Variants in BEND7 observed in about 807,000 individuals in gnomAD.
BEND7 encodes BEN domain-containing protein 7.
In BEND7, 28 loss-of-function variants were observed where a neutral mutation model predicts 50.9. The observed-to-expected ratio is 0.55, with a 90% CI of 0.41 to 0.75. The LOEUF (loss-of-function observed/expected upper bound fraction) is 0.75, where lower values mean the gene tolerates loss of function less well. Ranked by LOEUF, BEND7 falls within the 30% of genes least tolerant of loss-of-function variation. BEND7 has a pLI of 0.00. For synonymous variants in BEND7, 170 were observed against 183.9 expected (o/e 0.92, Z 0.61); for missense variants, 477 against 491.3 (o/e 0.97, Z 0.28).
Position 13,491,138 on chromosome 10 carries a change from A to G in BEND7, c.837+1473T>C, listed in dbSNP as rs114940885. ...TTTAGAAGCATGTTATTCTTCCAAG[A>G]CAATCAACAGCTAACTGAGTTTTCA... On this transcript the variant is annotated intron_variant, in intron 5 of 8. Coordinates refer to ENST00000466271, the MANE Select transcript of BEND7 (RefSeq NM_001369863.1). 9.8e-3 allele frequency among the ~76,000 whole-genome samples: 1,494 copies of G among 152,052 alleles called. 19 individuals carry two copies. Among genetic ancestry groups the G allele is most frequent in the African/African-American group, 0.034 (1,416 of 41,470 alleles).
At chr10:13,505,719 T>C (rs2077832907) in intron 2 of BEND7, among the ~76,000 whole-genome samples, 2 of 152,108 alleles carry the variant, frequency 1.3e-5, no homozygotes, top group South Asian at 4.1e-4. Flanking sequence ...ATCAGTTAAG[T>C]TAATAATGAA....
chr10:13,515,998 A>T (rs2078643518), intron 2 of BEND7, among the ~76,000 whole-genome samples: 1 of 152,242 alleles, frequency 6.6e-6, no homozygotes, highest in Non-Finnish European at 1.5e-5. Context: ...CTGCACAAGG[A>T]AACGGCCTCA....
chr10:13,516,450 G>A (rs1362909766), intron 2 of BEND7, among the ~76,000 whole-genome samples: 1 of 152,226 alleles, frequency 6.6e-6, no homozygotes, highest in Non-Finnish European at 1.5e-5. Context: ...AACAGGCTGG[G>A]CGCGGTGGCT....
At chr10:13,495,570 G>A (rs2076967312) in intron 4 of BEND7, among the ~76,000 whole-genome samples, 1 of 152,162 alleles carries the variant, frequency 6.6e-6, no homozygotes, top group Non-Finnish European at 1.5e-5. Flanking sequence ...GCTGAGGCAG[G>A]AGAATCGCTT....
At chr10:13,453,601 C>CATCT (rs1219324506) in intron 6 of BEND7, among the ~76,000 whole-genome samples, 1 of 152,118 alleles carries the variant, frequency 6.6e-6, no homozygotes, top group Non-Finnish European at 1.5e-5. Context: ...GAAGGTTCAC[C>CATCT]ATCTACCATC....
intron 8 of BEND7, chr10:13,442,161 C>T (rs1056476904): frequency 1.1e-5 from 2 of 173,914 alleles, no homozygotes; most frequent in Non-Finnish European, 2.4e-5. Flanking sequence ...TCTGGGCAAC[C>T]GCTTACCCTC....
At chr10:13,504,203 T>C (rs754355255) in intron 2 of BEND7, among the ~76,000 whole-genome samples, 19 of 152,156 alleles carry the variant, frequency 1.2e-4, no homozygotes, top group Non-Finnish European at 2.5e-4. Context: ...TAGAAGCTCG[T>C]TGAGTGTGGT....
intron 6 of BEND7, among the ~76,000 whole-genome samples, chr10:13,464,916 C>A (rs993774560): frequency 1.3e-5 from 2 of 152,184 alleles, no homozygotes; most frequent in African/African-American, 2.4e-5. Flanking sequence ...AATTTGCCTT[C>A]GGGGAATAAC....
At chr10:13,478,668 A>G (rs2075636870) in intron 6 of BEND7, among the ~76,000 whole-genome samples, 1 of 152,212 alleles carries the variant, frequency 6.6e-6, no homozygotes, top group Non-Finnish European at 1.5e-5. Flanking sequence ...TTTGCATTTT[A>G]AAATAAATAT....
chr10:13,495,189 C>T (rs1251785204), intron 4 of BEND7, among the ~76,000 whole-genome samples: 2 of 152,172 alleles, frequency 1.3e-5, no homozygotes, highest in South Asian at 2.1e-4. Context: ...AATTCCTCCT[C>T]GGAGAAAAGA....
chr10:13,513,491 G>A (rs2078432733), intron 2 of BEND7, among the ~76,000 whole-genome samples: 2 of 152,112 alleles, frequency 1.3e-5, no homozygotes, highest in African/African-American at 4.8e-5. Flanking sequence ...TAGTACATGG[G>A]CCAACTCAGC....
chr10:13,517,805 A>G (rs568653510), intron 2 of BEND7, among the ~76,000 whole-genome samples: 25 of 152,324 alleles, frequency 1.6e-4, no homozygotes, highest in African/African-American at 5.8e-4. Flanking sequence ...TACTCTCAGG[A>G]GCCGAAAGGC....
intron 5 of BEND7, among the ~76,000 whole-genome samples, chr10:13,487,871 T>C (rs958985113): frequency 3.3e-5 from 5 of 151,852 alleles, no homozygotes; most frequent in African/African-American, 9.7e-5. Flanking sequence ...GGCGGATGGA[T>C]CACTTGAGGC....
chr10:13,476,702 C>T (rs2075470870), intron 6 of BEND7, among the ~76,000 whole-genome samples: 1 of 152,146 alleles, frequency 6.6e-6, no homozygotes, highest in Non-Finnish European at 1.5e-5. Context: ...CCAATTCTAG[C>T]CTCAGCAGGT....
At position 13,500,000 on chromosome 10, in the gene BEND7, G is replaced by A. The variant is rs1260975497; in HGVS notation, c.226C>T (p.Arg76Ter). The stretch of plus-strand genomic sequence containing the variant: ...AGTTTCTCTCCTTCTTTGCCAACTC[G>A]CTGATAGATCCGCCCAGTGCTGTCG... ...LNDSTGRIYQRVGKEGEKLKE... is the reference protein window; with the variant it reads ...LNDSTGRIYQ Residue 76 changes from arginine to a stop codon, truncating the protein, a stop_gained, in exon 3 of 9, where the codon CGA becomes TGA. Transcript: ENST00000466271. LOFTEE classifies it high-confidence loss of function. The A allele has an allele frequency of 5.0e-6, 8 of 1,614,088 alleles. No individual in the cohort carries two copies. The highest frequency in any genetic ancestry group is 1.3e-5 in the African/African-American group (1 of 75,016).
At chr10:13,495,756 T>G (rs1181829517) in intron 4 of BEND7, among the ~76,000 whole-genome samples, 4 of 152,234 alleles carry the variant, frequency 2.6e-5, no homozygotes, top group African/African-American at 4.8e-5. Context: ...AAGCTTTTTA[T>G]ATCAAAACCA....
intron 5 of BEND7, among the ~76,000 whole-genome samples, chr10:13,483,305 A>C (rs1251095457): frequency 6.6e-6 from 1 of 152,154 alleles, no homozygotes; most frequent in Non-Finnish European, 1.5e-5. Flanking sequence ...TACCAGGCGG[A>C]ACTGGCCACT....
chr10:13,467,208 G>A (rs1417002864), intron 6 of BEND7, among the ~76,000 whole-genome samples: 6 of 152,148 alleles, frequency 3.9e-5, no homozygotes, highest in Non-Finnish European at 5.9e-5. Context: ...AGGCTGACAG[G>A]AGTTCTCAGA....
At chr10:13,490,873 G>A (rs578090542) in intron 5 of BEND7, among the ~76,000 whole-genome samples, 10 of 151,824 alleles carry the variant, frequency 6.6e-5, no homozygotes, top group Non-Finnish European at 1.5e-4. Context: ...GTGTAATCTC[G>A]GCTCACTGCA....
Sources: gnomAD v4.1 joint callset for allele counts (sites outside exome capture counted in the v4.1 genomes callset) on GRCh38, gnomAD v4.1.1 for gene constraint, MANE v1.5 for transcripts, NCBI Gene and HGNC (gene_info 2026-07-23, HGNC 2026-07-21) for gene names.